Variants in PCDH15 observed in about 807,000 individuals in gnomAD.
PCDH15 encodes protocadherin-15.
PCDH15 carries 129 observed loss-of-function variants against 178.5 expected under a neutral mutation model. The ratio of observed to expected loss-of-function variants is 0.72; its 90% CI spans 0.63 to 0.84. PCDH15 has a LOEUF of 0.84. Among genes scored for constraint, PCDH15 ranks in the 40% least tolerant of loss-of-function variants. The pLI is 0.00. For missense variants in PCDH15, 2,230 were observed against 2,099.9 expected (o/e 1.06, Z -1.21); for synonymous variants, 800 against 732.0 (o/e 1.09, Z -1.50).
At chr10:53,885,576 G>C (rs1032209176) in intron 26 of PCDH15, among the ~76,000 whole-genome samples, 3 of 151,986 alleles carry the variant, frequency 2.0e-5, no homozygotes, top group African/African-American at 7.2e-5. Context: ...CTCCCAGAAA[G>C]AAAAATATCA....
intron 22 of PCDH15, among the ~76,000 whole-genome samples, chr10:53,961,341 G>A (rs1206754449): frequency 6.6e-6 from 1 of 151,870 alleles, no homozygotes; most frequent in African/African-American, 2.4e-5. Flanking sequence ...AAGCAACTCA[G>A]TATTATATTA....
chr10:55,352,737 C>T (rs1356230566), intron 2 of PCDH15, among the ~76,000 whole-genome samples: 4 of 151,996 alleles, frequency 2.6e-5, no homozygotes, highest in African/African-American at 9.7e-5. Flanking sequence ...ATGATGTGTA[C>T]CAAAAAGTGG....
intron 2 of PCDH15, among the ~76,000 whole-genome samples, chr10:55,385,824 TAC>T (rs970141499): frequency 4.5e-4 from 68 of 149,916 alleles, no homozygotes; most frequent in African/African-American, 1.5e-3. Context: ...TGCATATATA[TAC>T]GTATATATAC....
intron 3 of PCDH15, among the ~76,000 whole-genome samples, chr10:54,476,772 G>A (rs1157587): frequency 0.11 from 16,423 of 152,004 alleles, 997 homozygotes; most frequent in East Asian, 0.27. Flanking sequence ...GTGGTCATCT[G>A]TTATTCTGTG....
chr10:55,340,367 T>C (rs1366424280), intron 2 of PCDH15, among the ~76,000 whole-genome samples: 1 of 151,922 alleles, frequency 6.6e-6, no homozygotes, highest in Admixed American at 6.6e-5. Context: ...ACTGGAGTGA[T>C]TGTTGCAGCA....
intron 2 of PCDH15, among the ~76,000 whole-genome samples, chr10:55,582,600 A>ATATATATATATATATATG (rs1842637490): frequency 1.5e-4 from 11 of 75,370 alleles, no homozygotes; most frequent in African/African-American, 5.7e-4. Flanking sequence ...GTATGTGTAT[A>ATATATATATATATATATG]TATATATATA....
At chr10:55,358,850 T>G (rs997869018) in intron 2 of PCDH15, among the ~76,000 whole-genome samples, 6 of 152,150 alleles carry the variant, frequency 3.9e-5, no homozygotes, top group African/African-American at 1.4e-4. Context: ...TTACTTTGTG[T>G]CATTTTTAGG....
intron 11 of PCDH15, among the ~76,000 whole-genome samples, chr10:54,192,014 AAG>A (rs1393022243): frequency 7.3e-6 from 1 of 137,418 alleles, no homozygotes; most frequent in Non-Finnish European, 1.5e-5. Context: ...GGGAGAGAGA[AAG>A]AAAAAAATAA....
intron 13 of PCDH15, among the ~76,000 whole-genome samples, chr10:54,169,019 G>A (rs529841257): frequency 2.8e-4 from 42 of 152,240 alleles, no homozygotes; most frequent in Middle Eastern, 3.4e-3. Flanking sequence ...CCTCCCACAG[G>A]AGCTTGCTAC....
rs11815333 is a variant in PCDH15 at position 54,359,038 on chromosome 10, A to C, written c.474+10082T>G. On this transcript the variant is annotated intron_variant, in intron 5 of 37. Coordinates refer to ENST00000644397, the MANE Select transcript of PCDH15 (RefSeq NM_001384140.1). ...GGGTGGGGGGAGGGGGAGGGATAGC[A>C]TTAGGAGATATACCTAATGCTAAAT... 2.0e-5 allele frequency among the ~76,000 whole-genome samples: 3 copies of C among 147,324 alleles called. No individual in the cohort carries two copies. In the East Asian group the frequency reaches 6.0e-4, roughly 30 times the overall value.
chr10:54,671,266 T>G (rs2135505319), intron 1 of PCDH15, among the ~76,000 whole-genome samples: 1 of 152,324 alleles, frequency 6.6e-6, no homozygotes, highest in South Asian at 2.1e-4. Flanking sequence ...AAAATGATTC[T>G]GATTAATATT....
chr10:55,076,082 C>A (rs1841878211), intron 2 of PCDH15, among the ~76,000 whole-genome samples: 1 of 152,060 alleles, frequency 6.6e-6, no homozygotes, highest in South Asian at 2.1e-4. Context: ...AGTTTTATTT[C>A]ATCGTTGTCT....
At chr10:54,287,406 A>C (rs921095801) in intron 8 of PCDH15, among the ~76,000 whole-genome samples, 1 of 152,120 alleles carries the variant, frequency 6.6e-6, no homozygotes, top group African/African-American at 2.4e-5. Flanking sequence ...CATGTAGCAC[A>C]TTTCTTTAAA....
At chr10:55,391,218 C>A (rs915969586) in intron 2 of PCDH15, among the ~76,000 whole-genome samples, 2 of 151,864 alleles carry the variant, frequency 1.3e-5, no homozygotes, top group Non-Finnish European at 2.9e-5. Context: ...TGTGACTTCA[C>A]CTTGAATTTT....
Position 54,020,184 on chromosome 10 carries a change from G to A in PCDH15, c.2751+8C>T, listed in dbSNP as rs1360011079. ...AGCAGGCAACCAGAAGTCATCTCTAGCCCTTACCTTTACAATCACTGTGAC... is the reference window on the plus strand; with the variant it reads ...AGCAGGCAACCAGAAGTCATCTCTAACCCTTACCTTTACAATCACTGTGAC... On this transcript the variant is annotated splice_region_variant and intron_variant, in intron 20 of 37. Transcript: ENST00000644397. 9 of 1,612,138 alleles carry A rather than the reference G, an allele frequency of 5.6e-6. No individual in the cohort carries two copies. The highest frequency in any genetic ancestry group is 6.8e-6 in the Non-Finnish European group (8 of 1,178,506).
intron 8 of PCDH15, among the ~76,000 whole-genome samples, chr10:54,300,404 G>A (rs1164149940): frequency 6.6e-6 from 1 of 152,150 alleles, no homozygotes; most frequent in Non-Finnish European, 1.5e-5. Context: ...GCTATAGATA[G>A]TCTTACAAAT....
intron 1 of PCDH15, among the ~76,000 whole-genome samples, chr10:55,179,230 G>A (rs749438089): frequency 3.4e-4 from 52 of 152,084 alleles, no homozygotes; most frequent in Non-Finnish European, 4.4e-4. Flanking sequence ...AATTCCCCCC[G>A]TCGGCAGGAA....
intron 3 of PCDH15, among the ~76,000 whole-genome samples, chr10:54,883,316 G>GAACT (rs980254088): frequency 8.6e-5 from 13 of 151,986 alleles, no homozygotes; most frequent in African/African-American, 3.1e-4. Flanking sequence ...ACCTATTTCA[G>GAACT]AACTTCTATA....
intron 3 of PCDH15, among the ~76,000 whole-genome samples, chr10:54,491,374 TCA>T (rs2079574991): frequency 6.6e-6 from 1 of 151,680 alleles, no homozygotes. Flanking sequence ...ATGATCAAAT[TCA>T]CACAGTTAAC....
Sources: gnomAD v4.1 joint callset for allele counts (sites outside exome capture counted in the v4.1 genomes callset) on GRCh38, gnomAD v4.1.1 for gene constraint, MANE v1.5 for transcripts, NCBI Gene and HGNC (gene_info 2026-07-23, HGNC 2026-07-21) for gene names.